NMNAT3: variants seen among roughly 807,000 people sequenced by gnomAD.
NMNAT3 encodes the protein nicotinamide/nicotinic acid mononucleotide adenylyltransferase 3.
A neutral mutation model predicts 24.8 loss-of-function variants in NMNAT3; 21 were observed. The ratio of observed to expected loss-of-function variants is 0.85; its 90% confidence interval spans 0.60 to 1.22. The LOEUF (loss-of-function observed/expected upper bound fraction) is 1.22, where lower values mean the gene tolerates loss of function less well. NMNAT3 is among the 50% of genes most tolerant of loss of function. The pLI, the probability that NMNAT3 is intolerant of heterozygous loss-of-function variation, is 0.00. For missense variants in NMNAT3, 387 were observed against 436.6 expected (o/e 0.89, Z 1.01); for synonymous variants, 136 against 155.2 (o/e 0.88, Z 0.92).
At chr3:139,567,594 C>T (rs1937450535) in intron 6 of NMNAT3, 1 of 152,094 alleles carries the variant, frequency 6.6e-6, no homozygotes, top group African/African-American at 2.4e-5. Context: ...TGTCAAAGGC[C>T]TTTTCTGCAT....
intron 6 of NMNAT3, chr3:139,566,639 T>G (rs1218075430): frequency 1.3e-5 from 2 of 152,182 alleles, no homozygotes; most frequent in African/African-American, 4.8e-5. Flanking sequence ...CCATTGCTTG[T>G]TTTTCTCAGG....
intron 1 of NMNAT3, among the ~76,000 whole-genome samples, chr3:139,676,073 C>A (rs913438164): frequency 2.6e-5 from 4 of 152,194 alleles, no homozygotes; most frequent in Non-Finnish European, 4.4e-5. Context: ...AGAGAGGCTG[C>A]ACAATGGCTG....
At chr3:139,607,826 G>A (rs1189698354) in intron 3 of NMNAT3, among the ~76,000 whole-genome samples, 1 of 152,092 alleles carries the variant, frequency 6.6e-6, no homozygotes, top group African/African-American at 2.4e-5. Context: ...AATTTCATTA[G>A]TTTATAAAAT....
At chr3:139,630,878 G>A (rs1254935372) in intron 2 of NMNAT3, among the ~76,000 whole-genome samples, 1 of 152,096 alleles carries the variant, frequency 6.6e-6, no homozygotes, top group African/African-American at 2.4e-5. Flanking sequence ...ATCTGAAAAG[G>A]TGGCTGTTTT....
chr3:139,583,546 A>T, intron 3 of NMNAT3: 1 of 927,408 alleles, frequency 1.1e-6, no homozygotes, highest in Non-Finnish European at 1.8e-6. Flanking sequence ...CAAAGTTTGA[A>T]TTATTTTCTT....
chr3:139,594,216 A>C (rs1056717767), intron 3 of NMNAT3, among the ~76,000 whole-genome samples: 1 of 152,236 alleles, frequency 6.6e-6, no homozygotes, highest in Non-Finnish European at 1.5e-5. Flanking sequence ...ATCTAGAAGA[A>C]ATGGATAAAT....
chr3:139,626,303 A>C (rs944381177), intron 3 of NMNAT3, among the ~76,000 whole-genome samples: 1 of 151,438 alleles, frequency 6.6e-6, no homozygotes, highest in Non-Finnish European at 1.5e-5. Flanking sequence ...CTTTTTTAAA[A>C]TTTTTTCTTC....
At chr3:139,579,112 G>T in intron 4 of NMNAT3, 57 bp from the exon 5 acceptor site, 1 of 1,475,822 alleles carries the variant, frequency 6.8e-7, no homozygotes, top group Non-Finnish European at 9.3e-7. Context: ...CCACCTGGCA[G>T]CCTGAATTCA....
At chr3:139,633,695 C>A (rs1309298553) in intron 2 of NMNAT3, among the ~76,000 whole-genome samples, 1 of 152,140 alleles carries the variant, frequency 6.6e-6, no homozygotes, top group East Asian at 1.9e-4. Context: ...CTAGACACAG[C>A]AGCTGAAGGT....
chr3:139,658,901 G>A (rs935294109), intron 1 of NMNAT3, among the ~76,000 whole-genome samples: 6 of 151,798 alleles, frequency 4.0e-5, no homozygotes, highest in African/African-American at 7.3e-5. Context: ...TACCCTGAAC[G>A]TCCCCTTGTG....
intron 3 of NMNAT3, among the ~76,000 whole-genome samples, chr3:139,597,180 A>T (rs1291575660): frequency 6.6e-6 from 1 of 151,774 alleles, no homozygotes; most frequent in Admixed American, 6.6e-5. Flanking sequence ...ATACCATTGG[A>T]AAATAATGGT....
intron 6 of NMNAT3, among the ~76,000 whole-genome samples, chr3:139,563,257 T>A (rs1936688729): frequency 6.6e-6 from 1 of 152,234 alleles, no homozygotes; most frequent in Non-Finnish European, 1.5e-5. Flanking sequence ...CTGTGAAGTT[T>A]TACTCCAATT....
Position 139,575,904 on chromosome 3 carries a change from C to T in NMNAT3, c.576-2224G>A, listed in dbSNP as rs963861576. The T allele has an allele frequency of 7.0e-6, 9 of 1,282,156 alleles. No individual in the cohort carries two copies. The East Asian group carries it at 4.5e-4, about 63-fold the overall frequency. 79.4% of individuals were successfully genotyped at this position (1,282,156 alleles called of 1,614,324 possible). A position where few individuals can be genotyped will look rare whatever the true frequency, so the allele number is the denominator to read the frequency against. On this transcript the variant is annotated intron_variant, in intron 5 of 6. Transcript: ENST00000643695. ...TCCCTGTTTTGAAGATGGCCATAAG[C>T]ATGGCTTCAGAGCTCCACAGATGGG...
intron 3 of NMNAT3, among the ~76,000 whole-genome samples, chr3:139,626,403 T>C (rs922554875): frequency 2.0e-5 from 3 of 152,140 alleles, no homozygotes; most frequent in African/African-American, 4.8e-5. Context: ...TTCTTTATAG[T>C]GTATTTTTCA....
rs181368103 is a variant in NMNAT3 at position 139,568,530 on chromosome 3, T to C, written c.658+5068A>G. Reference sequence around the variant, plus strand: ...TGCTTTGAATGTGTCCCAGAGATTCTGGTATGTTGTGTCTTTGTTCTCATT... The same window carrying C: ...TGCTTTGAATGTGTCCCAGAGATTCCGGTATGTTGTGTCTTTGTTCTCATT... On this transcript the variant is annotated intron_variant, in intron 6 of 6. Transcript: ENST00000643695. 9.5e-3 allele frequency: 1,450 copies of C among 152,354 alleles called. 23 individuals carry two copies. Among genetic ancestry groups the C allele is most frequent in the African/African-American group, 0.033 (1,389 of 41,564 alleles). 9.4% of individuals were successfully genotyped at this position (152,354 alleles called of 1,614,324 possible).
At chr3:139,572,994 A>T (rs113513596) in intron 6 of NMNAT3, among the ~76,000 whole-genome samples, 2 of 152,322 alleles carry the variant, frequency 1.3e-5, no homozygotes, top group Middle Eastern at 3.4e-3. Flanking sequence ...TATTTGCATG[A>T]GAGCATTATG....
chr3:139,568,475 C>T (rs576561003), intron 6 of NMNAT3: 26 of 152,176 alleles, frequency 1.7e-4, no homozygotes, highest in South Asian at 1.0e-3. Context: ...GTCTTGTGGC[C>T]TTTAGTGCTA....
intron 5 of NMNAT3, among the ~76,000 whole-genome samples, chr3:139,576,529 A>C (rs76015646): frequency 1.3e-5 from 2 of 152,146 alleles, no homozygotes; most frequent in African/African-American, 2.4e-5. Context: ...TGATTTCTGC[A>C]GCCAGAGTTG....
At chr3:139,615,110 C>T (rs1043539911) in intron 3 of NMNAT3, among the ~76,000 whole-genome samples, 1 of 152,066 alleles carries the variant, frequency 6.6e-6, no homozygotes, top group Non-Finnish European at 1.5e-5. Context: ...TTCAAGTTGT[C>T]CTCAGATTTT....
Sources: allele counts gnomAD v4.1 joint callset (sites outside exome capture counted in the v4.1 genomes callset), GRCh38; gene constraint gnomAD v4.1.1; transcripts MANE v1.5; gene names NCBI Gene and HGNC (gene_info 2026-07-23, HGNC 2026-07-21).